The following NDUFA10 variants were observed in gnomAD, a reference collection of about 807,000 sequenced individuals.
NDUFA10 encodes the protein NADH dehydrogenase [ubiquinone] 1 alpha subcomplex subunit 10, mitochondrial.
NDUFA10 carries 40 observed loss-of-function variants against 47.8 expected under a neutral mutation model. The ratio of observed to expected loss-of-function variants is 0.84; its 90% CI spans 0.65 to 1.09. The LOEUF (loss-of-function observed/expected upper bound fraction) is 1.09, where lower values mean the gene tolerates loss of function less well. NDUFA10 is among the 50% of genes least tolerant of loss of function. NDUFA10 has a pLI of 0.00. For missense variants in NDUFA10, 413 were observed against 451.1 expected, an observed-to-expected ratio of 0.92 and a Z score of 0.76; for synonymous variants, 183 against 172.2, an observed-to-expected ratio of 1.06 and a Z score of -0.49.
chr2:239,916,095 CAG>C (rs1157767901), intron 4 of NDUFA10, among the ~76,000 whole-genome samples: 8 of 150,572 alleles, frequency 5.3e-5, no homozygotes, highest in African/African-American at 2.0e-4. Flanking sequence ...CAGATACACA[CAG>C]AGAGACACAG....
chr2:240,022,232 C>T lies in NDUFA10; in HGVS notation c.184G>A (p.Val62Ile), dbSNP rs201544008. The T allele has an allele frequency of 1.2e-6, 2 of 1,614,168 alleles. No homozygotes were observed. The highest frequency in any genetic ancestry group is 1.7e-6 in the Non-Finnish European group (2 of 1,180,032). The change falls in exon 2 of 10, where the codon GTA becomes ATA. Residue 62 changes from valine (V) to isoleucine (I), a missense_variant. Val to Ile is a conservative substitution (Grantham distance 29). Coordinates refer to ENST00000252711, the MANE Select transcript of NDUFA10 (RefSeq NM_004544.4). The part of the protein sequence containing the change: ...RLTERSRVIT[V>I]DGNICTGKGK... ...TTTCCAGTACATATATTGCCATCTA[C>T]AGTTATCACTCTGCTGCGTTCTGTC...
chr2:239,961,982 T>C (rs568565934), intron 9 of NDUFA10, among the ~76,000 whole-genome samples: 2 of 152,074 alleles, frequency 1.3e-5, no homozygotes, highest in Non-Finnish European at 2.9e-5. Context: ...CAGGGAGATC[T>C]GGGGGGCAAC....
intron 4 of NDUFA10, among the ~76,000 whole-genome samples, chr2:239,901,605 C>T (rs534327706): frequency 1.3e-5 from 2 of 151,838 alleles, no homozygotes; most frequent in Non-Finnish European, 1.5e-5. Flanking sequence ...GCCCATGAAC[C>T]GAGGGGTGAT....
intron 9 of NDUFA10, among the ~76,000 whole-genome samples, chr2:239,985,198 C>G (rs913005229): frequency 2.6e-5 from 4 of 152,216 alleles, no homozygotes; most frequent in Admixed American, 2.0e-4. Flanking sequence ...GACCAGACCA[C>G]TCACACAGGC....
chr2:240,014,949 T>TA (rs1394951310), intron 4 of NDUFA10, 89 bp from the exon 5 acceptor site: 72 of 1,570,912 alleles, frequency 4.6e-5, no homozygotes, highest in Non-Finnish European at 6.3e-5. Flanking sequence ...AGGGCAAACA[T>TA]ACACGCAATT....
At chr2:240,021,013 CATTAA>C in intron 3 of NDUFA10, 179 bp downstream of exon 3, 1 of 652,422 alleles carries the variant, frequency 1.5e-6, no homozygotes, top group South Asian at 1.8e-5. Flanking sequence ...AGTGAAACAG[CATTAA>C]ATTAATTCTG....
chr2:240,004,806 A>G (rs1696883634), intron 8 of NDUFA10, among the ~76,000 whole-genome samples: 1 of 152,042 alleles, frequency 6.6e-6, no homozygotes. Flanking sequence ...ATCCCGAGAG[A>G]GGCCCTTTGT....
At chr2:239,965,141 C>A (rs971562571) in intron 9 of NDUFA10, among the ~76,000 whole-genome samples, 2 of 152,136 alleles carry the variant, frequency 1.3e-5, no homozygotes, top group Admixed American at 1.3e-4. Context: ...ATAATAGAAA[C>A]TAGCAGAATA....
At chr2:240,010,459 A>G (rs1341672015) in intron 6 of NDUFA10, among the ~76,000 whole-genome samples, 1 of 152,198 alleles carries the variant, frequency 6.6e-6, no homozygotes, top group Non-Finnish European at 1.5e-5. Context: ...ATGTTTTTGA[A>G]GCCAGAAGAT....
chr2:239,903,291 CG>C (rs1693587856), intron 4 of NDUFA10, among the ~76,000 whole-genome samples: 1 of 152,190 alleles, frequency 6.6e-6, no homozygotes, highest in Admixed American at 6.5e-5. Flanking sequence ...GGCCACAGAA[CG>C]TCAGCACGGG....
intron 9 of NDUFA10, among the ~76,000 whole-genome samples, chr2:239,963,503 C>A (rs1225776586): frequency 6.6e-6 from 1 of 152,152 alleles, no homozygotes; most frequent in South Asian, 2.1e-4. Flanking sequence ...ATTTCTAGAC[C>A]GGGGAGCAGT....
intron 4 of NDUFA10, among the ~76,000 whole-genome samples, chr2:239,913,893 C>T (rs929401163): frequency 1.3e-5 from 2 of 152,210 alleles, no homozygotes; most frequent in Non-Finnish European, 2.9e-5. Context: ...TGGCCAAGAG[C>T]GTCCTGTTGT....
At chr2:239,899,461 TGTGACGGAGGGGTGTGATGGAGAGG>T (rs1247525557) in intron 4 of NDUFA10, among the ~76,000 whole-genome samples, 5 of 133,088 alleles carry the variant, frequency 3.8e-5, no homozygotes, top group Non-Finnish European at 8.5e-5. Flanking sequence ...GATGGAGGGG[TGTGACGGAGGGGTGTGATGGAGAGG>T]TGTGATGGAG....
At chr2:239,951,639 G>A (rs1694553891) in intron 4 of NDUFA10, among the ~76,000 whole-genome samples, 1 of 152,222 alleles carries the variant, frequency 6.6e-6, no homozygotes, top group Admixed American at 6.5e-5. Context: ...CGGGCGTGGA[G>A]AGTCAGGCAT....
In NDUFA10 at chr2:239,990,252, G is replaced by A. The variant is rs972705949; in HGVS notation, c.891-70C>T. The stretch of plus-strand genomic sequence containing the variant: ...AATACAATAAAAGAAGTGTAAGTCC[G>A]ATTTTTTTTAAACATCCATATAAAA... On this transcript the variant is annotated intron_variant, in intron 8 of 9. Transcript: ENST00000252711. 2.6e-5 allele frequency: 33 copies of A among 1,288,250 alleles called. 1 individual carries two copies. The Middle Eastern group carries it at 1.5e-3, about 57-fold the overall frequency. The allele number at this position is 1,288,250 out of a possible 1,614,324, so 79.8% of individuals were successfully genotyped here.
chr2:239,984,566 A>T (rs768074392), intron 9 of NDUFA10, among the ~76,000 whole-genome samples: 5 of 152,266 alleles, frequency 3.3e-5, no homozygotes, highest in African/African-American at 1.2e-4. Flanking sequence ...TGAAAAGCAG[A>T]CAAAACCACA....
chr2:239,950,990 C>G (rs1282113416), intron 4 of NDUFA10, among the ~76,000 whole-genome samples: 2 of 152,246 alleles, frequency 1.3e-5, no homozygotes, highest in African/African-American at 4.8e-5. Context: ...GCTTCAGCCC[C>G]TCGTTCCTTT....
In NDUFA10 at chr2:239,922,702, C is replaced by G. The variant is rs147699745; in HGVS notation, c.295-27388G>C. ...CCAACATGATATGACAGCTATGATT[C>G]CAGGGACACCTGGTTTAAAATTGAT... On this transcript the variant is annotated intron_variant, in intron 4 of 5. Coordinates refer to the NDUFA10 transcript ENST00000419408. Among the ~76,000 whole-genome samples, 57 of 152,316 alleles carry G rather than the reference C, an allele frequency of 3.7e-4. No homozygotes were observed. The East Asian group carries it at 8.3e-3, about 22-fold the overall frequency.
rs1694769594 is a variant in NDUFA10 at position 239,959,697 on chromosome 2, A to G, written c.*1421T>C. On this transcript the variant is annotated 3_prime_UTR_variant, in exon 10 of 10. Coordinates refer to ENST00000252711, the MANE Select transcript of NDUFA10 (RefSeq NM_004544.4). ...AAGGAAGGAAGAGAAGGAGGGAAGG[A>G]AAGAGGCAGGGAGGAAAACAAGGAC... 1 of 865,576 alleles carries G rather than the reference A, an allele frequency of 1.2e-6. No individual in the cohort carries two copies. Among genetic ancestry groups the G allele is most frequent in the Admixed American group, 6.3e-5 (1 of 15,958 alleles). 53.6% of individuals were successfully genotyped at this position (865,576 alleles called of 1,614,324 possible). A position where few individuals can be genotyped will look rare whatever the true frequency, so the allele number is the denominator to read the frequency against.
Sources: gnomAD v4.1 joint callset for allele counts (sites outside exome capture counted in the v4.1 genomes callset) on GRCh38, gnomAD v4.1.1 for gene constraint, MANE v1.5 for transcripts, NCBI Gene and HGNC (gene_info 2026-07-23, HGNC 2026-07-21) for gene names.